The following NPHS1 variants were observed in gnomAD, a reference collection of about 807,000 sequenced individuals.
NPHS1 encodes NPHS1 adhesion molecule, nephrin, also known as nephrin.
In NPHS1, 107 loss-of-function variants were observed where a neutral mutation model predicts 139.7. The observed-to-expected ratio is 0.77, with a 90% CI of 0.66 to 0.90. The LOEUF (loss-of-function observed/expected upper bound fraction) is 0.90, where lower values mean the gene tolerates loss of function less well. Ranked by LOEUF, NPHS1 falls within the 40% of genes least tolerant of loss-of-function variation. The pLI is 0.00. For synonymous variants in NPHS1, 707 were observed against 706.6 expected, an observed-to-expected ratio of 1.00 and a Z score of -0.01; for missense variants, 1,580 against 1,654.2, an observed-to-expected ratio of 0.96 and a Z score of 0.78.
At chr19:35,830,730 T>A in intron 28 of NPHS1, 114 bp downstream of exon 28, 1 of 788,536 alleles carries the variant, frequency 1.3e-6, no homozygotes, top group Non-Finnish European at 2.3e-6. Flanking sequence ...AGCCACTGGA[T>A]CATGGTCAGG....
rs1973238090 is a variant in NPHS1, at chr19:35,851,012, T to A, written c.475A>T (p.Asn159Tyr). The change falls in exon 4 of 29, where the codon AAC becomes TAC. Residue 159 changes from asparagine (N) to tyrosine (Y), a missense_variant. Asn to Tyr is a moderately radical substitution (Grantham distance 143). Transcript: ENST00000378910. ...GGCTTCGCGTCCCCAGACACACAGT[T>A]GACCACGTACTCCTGCCCAGCTACC... ...TWVAGQEYVV[N>Y]CVSGDAKPAP... The A allele has an allele frequency of 1.2e-6, 2 of 1,614,140 alleles. No homozygotes were observed. Among genetic ancestry groups the A allele is most frequent in the Non-Finnish European group, 1.7e-6 (2 of 1,180,006 alleles).
chr19:35,836,721 G>A (rs1972966651), intron 22 of NPHS1, among the ~76,000 whole-genome samples: 1 of 151,798 alleles, frequency 6.6e-6, no homozygotes, highest in African/African-American at 2.4e-5. Flanking sequence ...GCGGCCAGGA[G>A]TGGTGGCACA....
Position 35,848,013 on chromosome 19 carries a change from ACCC to A in NPHS1, c.1440+25_1440+27del, listed in dbSNP as rs776755079. The A allele has an allele frequency of 3.7e-6, 6 of 1,612,092 alleles. No individual in the cohort carries two copies. The South Asian group carries it at 5.5e-5, about 15-fold the overall frequency. The stretch of plus-strand genomic sequence containing the variant: ...TGGTCCTTCCCCCACATTCCTGGCC[ACCC>A]CCATAGCCCTGGCGTGGCACCAACC... On this transcript the variant is annotated intron_variant, in intron 11 of 28. Coordinates refer to ENST00000378910, the MANE Select transcript of NPHS1 (RefSeq NM_004646.4).
Position 35,851,085 on chromosome 19 carries a change from A to G in NPHS1, c.402T>C (p.Pro134=). Residue 134 remains proline (P), a synonymous_variant, in exon 4 of 29, where the codon CCT becomes CCC. Coordinates refer to ENST00000378910, the MANE Select transcript of NPHS1 (RefSeq NM_004646.4). ...SPRVILSILV[P]PKLLLLTPEA... ...CTGGGGTCAGCAGGAGCAGCTTGGG[A>G]GGAACTGGTGAGAGAAGGGTCTGGG... is the stretch of plus-strand genomic sequence containing the variant. 1.2e-6 allele frequency: 2 copies of G among 1,614,104 alleles called. No homozygotes were observed. The highest frequency in any genetic ancestry group is 1.7e-6 in the Non-Finnish European group (2 of 1,180,024).
rs1973285601 is a variant in NPHS1 at position 35,852,120 on chromosome 19, G to C, written c.-283C>G. On this transcript the variant is annotated 5_prime_UTR_variant, in exon 1 of 29. Transcript: ENST00000378910. ...TTCTTTTTTTTTTTTTTAGAGACGG[G>C]GTCTCACTATGTTGGCCAGGTTGAT... Among the ~76,000 whole-genome samples the C allele has an allele frequency of 7.1e-6, 1 of 141,220 alleles. No homozygotes were observed. Among genetic ancestry groups the C allele is most frequent in the Non-Finnish European group, 1.5e-5 (1 of 65,974 alleles). 92.6% of individuals were successfully genotyped at this position (141,220 alleles called of 152,430 possible).
chr19:35,829,755 T>C (rs1287387904), intron 28 of NPHS1, among the ~76,000 whole-genome samples: 5 of 152,176 alleles, frequency 3.3e-5, no homozygotes, highest in Non-Finnish European at 7.4e-5. Context: ...GCCAGGCTGG[T>C]CTCGAACTCT....
intron 28 of NPHS1, among the ~76,000 whole-genome samples, chr19:35,827,290 C>G (rs901542008): frequency 1.1e-4 from 16 of 151,930 alleles, no homozygotes; most frequent in Admixed American, 9.9e-4. Context: ...TGCACCGAGC[C>G]TATAAAAAAT....
intron 22 of NPHS1, 29 bp downstream of exon 22, chr19:35,839,208 C>T (rs1307446249): frequency 3.7e-6 from 6 of 1,611,538 alleles, no homozygotes; most frequent in Non-Finnish European, 5.1e-6. Flanking sequence ...CTGAGGAATA[C>T]TCCAACCTGC....
In NPHS1 at chr19:35,842,260, G is replaced by A. The variant is rs749564036; in HGVS notation, c.2527C>T (p.Pro843Ser). 1 of 1,613,094 alleles carries A rather than the reference G, an allele frequency of 6.2e-7. No individual in the cohort carries two copies. The highest frequency in any genetic ancestry group is 8.5e-7 in the Non-Finnish European group (1 of 1,179,984). ...VVRFAPQVEH[P>S]TPLTKVAAAG... ...GCAGCCACCTTAGTTAGGGGAGTGG[G>A]GTGCTCCACCTGGGGGGCAACTGGG... The change falls in exon 19 of 29, where the codon CCC becomes TCC. Residue 843 changes from proline to serine, a missense_variant. Physicochemically the swap from Pro to Ser is moderately conservative, Grantham distance 74. Coordinates refer to ENST00000378910, the MANE Select transcript of NPHS1 (RefSeq NM_004646.4).
intron 6 of NPHS1, 61 bp from the exon 7 acceptor site, chr19:35,849,424 C>CAACCTGCCTTTGAACCCCCAT (rs1423860295): frequency 6.9e-6 from 11 of 1,600,444 alleles, no homozygotes; most frequent in Admixed American, 1.7e-5. Context: ...CCAGGCCCCA[C>CAACCTGCCTTTGAACCCCCAT]AACCTGCCTT....
At chr19:35,843,809 G>A (rs1973094603) in intron 16 of NPHS1, 2 of 663,892 alleles carry the variant, frequency 3.0e-6, no homozygotes, top group Non-Finnish European at 5.1e-6. Context: ...AGTGAGTTGA[G>A]TGGGCTTCCA....
Position 35,845,795 on chromosome 19 carries a change from G to T in NPHS1, c.1631C>A (p.Pro544His). ...GGCCAGGATCGTCACGTTAGTTGGGGGAACTGGGAGACGGGGTTGGAGGAG... is the reference window on the plus strand; with the variant it reads ...GGCCAGGATCGTCACGTTAGTTGGGTGAACTGGGAGACGGGGTTGGAGGAG... ...SASTQLAVQFPPTNVTILANA... is the reference protein window; with the variant it reads ...SASTQLAVQFHPTNVTILANA... The change falls in exon 13 of 29, where the codon CCC (proline) becomes CAC (histidine). Residue 544 changes from proline (P) to histidine (H), a missense_variant. By Grantham distance (77) the Pro-to-His change is moderately conservative (BLOSUM62 -2). Transcript: ENST00000378910. The surrounding 1 kb of genome is among the most constrained non-coding windows in gnomAD (Gnocchi z 5.5). The T allele has an allele frequency of 6.2e-7, 1 of 1,612,382 alleles. No homozygotes were observed. Among genetic ancestry groups the T allele is most frequent in the Non-Finnish European group, 8.5e-7 (1 of 1,178,684 alleles).
chr19:35,836,712 C>T (rs908008526), intron 22 of NPHS1, among the ~76,000 whole-genome samples: 3 of 151,464 alleles, frequency 2.0e-5, no homozygotes, highest in Non-Finnish European at 2.9e-5. Context: ...GAGAAGCTTG[C>T]GGCCAGGAGT....
chr19:35,845,110 G>C lies in NPHS1; in HGVS notation c.1930+258C>G, dbSNP rs945079320. ...TAGTGAGACCCCGTTGCTACAAAAA[G>C]TAAAAATAAACTAGCGAAGCGTGGT... On this transcript the variant is annotated intron_variant, in intron 14 of 28. Transcript: ENST00000378910. This position sits in a 1 kb window ranked among gnomAD's most constrained non-coding sequence, Gnocchi z 5.5. 1.3e-5 allele frequency among the ~76,000 whole-genome samples: 2 copies of C among 152,106 alleles called. No homozygotes were observed. The highest frequency in any genetic ancestry group is 4.1e-4 in the South Asian group (2 of 4,826).
At chr19:35,843,105 A>G (rs992512682) in intron 17 of NPHS1, among the ~76,000 whole-genome samples, 50 of 151,990 alleles carry the variant, frequency 3.3e-4, no homozygotes, top group African/African-American at 1.2e-3. Flanking sequence ...GTATCCGTCC[A>G]TCATCTACCC....
chr19:35,850,529 G>T, intron 4 of NPHS1, 84 bp from the exon 5 acceptor site: 3 of 1,159,206 alleles, frequency 2.6e-6, no homozygotes, highest in Non-Finnish European at 3.9e-6. Flanking sequence ...TCCTCAGGGT[G>T]GGTGCGATGC....
At chr19:35,843,639 G>T (rs759545924) in intron 16 of NPHS1, 46 bp from the exon 17 acceptor site, 3 of 1,608,238 alleles carry the variant, frequency 1.9e-6, no homozygotes, top group African/African-American at 1.3e-5. Context: ...GCCCAGACAG[G>T]TCTGGGTGTG....
At chr19:35,849,487 C>T (rs1477459445) in intron 6 of NPHS1, 63 bp downstream of exon 6, 3 of 1,595,386 alleles carry the variant, frequency 1.9e-6, no homozygotes, top group Admixed American at 3.3e-5. Flanking sequence ...CTGTGATCCC[C>T]CCACACCCCC....
chr19:35,831,069 C>T lies in NPHS1; in HGVS notation c.3465G>A (p.Glu1155=), dbSNP rs1234080497. 6.2e-7 allele frequency: 1 copy of T among 1,614,036 alleles called. No individual in the cohort carries two copies. The highest frequency in any genetic ancestry group is 1.3e-5 in the African/African-American group (1 of 74,922). ...CTAACTCACCTCGGGAATAAGACAC[C>T]TCCTCCTGCGTCGGGGGCAGCTGGG... The part of the protein sequence containing the change: ...FSPQLPPTQE[E]VSYSRGFTGE... The change falls in exon 27 of 29, where the codon GAG becomes GAA. Residue 1155 remains glutamate (E), a synonymous_variant. Transcript: ENST00000378910.
Sources: gnomAD v4.1 joint callset for allele counts (sites outside exome capture counted in the v4.1 genomes callset) on GRCh38, gnomAD v4.1.1 for gene constraint, Gnocchi (gnomAD v3.1) non-coding constraint, MANE v1.5 for transcripts, NCBI Gene and HGNC (gene_info 2026-07-23, HGNC 2026-07-21) for gene names.